GTF2I: variants seen among roughly 807,000 people sequenced by gnomAD.
GTF2I encodes general transcription factor II-I.
In GTF2I, 12 loss-of-function variants were observed where a neutral mutation model predicts 67.6. That is an observed-to-expected ratio of 0.18 (90% CI 0.11 to 0.29). GTF2I has a LOEUF of 0.29. Ranked by LOEUF, GTF2I falls within the 10% of genes least tolerant of loss-of-function variation. The pLI, the probability that GTF2I is intolerant of heterozygous loss-of-function variation, is 1.00. For missense variants in GTF2I, 271 were observed against 580.1 expected, an observed-to-expected ratio of 0.47 and a Z score of 5.47; for synonymous variants, 149 against 197.0, an observed-to-expected ratio of 0.76 and a Z score of 2.04.
At chr7:74,662,350 A>G (rs1455869937) in intron 1 of GTF2I, among the ~76,000 whole-genome samples, 3 of 150,870 alleles carry the variant, frequency 2.0e-5, no homozygotes, top group East Asian at 3.9e-4. Context: ...AGCTGGGATC[A>G]TAGGCATGCG....
intron 9 of GTF2I, 73 bp from the exon 10 acceptor site, chr7:74,714,784 T>A (rs587604617): frequency 1.1e-6 from 1 of 933,364 alleles, no homozygotes; most frequent in East Asian, 2.6e-5. Context: ...TCACCCAAAT[T>A]TGTTGACTAA....
intron 9 of GTF2I, 21 bp downstream of exon 9, chr7:74,711,130 TTTTC>T: frequency 9.3e-7 from 1 of 1,073,254 alleles, no homozygotes; most frequent in Non-Finnish European, 1.4e-6. Flanking sequence ...TTAATGCAAT[TTTTC>T]TTTCTAAAAA....
chr7:74,660,848 A>C (rs1483426932), intron 1 of GTF2I, among the ~76,000 whole-genome samples: 1 of 151,454 alleles, frequency 6.6e-6, no homozygotes, highest in Non-Finnish European at 1.5e-5. Context: ...TCGTAGGGGC[A>C]GGGACAAGAA....
chr7:74,702,975 G>C (rs1790029605), intron 6 of GTF2I, among the ~76,000 whole-genome samples: 1 of 151,970 alleles, frequency 6.6e-6, no homozygotes. Context: ...GAGCTCAAGT[G>C]ATCCGCCTGT....
In GTF2I at chr7:74,698,952, T is replaced by A; in HGVS notation, c.239-9T>A. 1 of 1,260,862 alleles carries A rather than the reference T, an allele frequency of 7.9e-7. No individual in the cohort carries two copies. Among genetic ancestry groups the A allele is most frequent in the South Asian group, 2.1e-5 (1 of 47,354 alleles). The allele number at this position is 1,260,862 out of a possible 1,614,324, so 78.1% of individuals were successfully genotyped here. ...TATTTTTTTATTTTATTTTTTATTT[T>A]TTTTACAGGTGTTGAAGAAGAAGAA... On this transcript the variant is annotated splice_polypyrimidine_tract_variant and intron_variant, in intron 3 of 34. Coordinates refer to ENST00000573035, the MANE Select transcript of GTF2I (RefSeq NM_032999.4).
At chr7:74,669,694 C>T (rs1805293050) in intron 1 of GTF2I, among the ~76,000 whole-genome samples, 1 of 151,868 alleles carries the variant, frequency 6.6e-6, no homozygotes, top group African/African-American at 2.4e-5. Flanking sequence ...CCACCATGCC[C>T]AGCAATTTTT....
At chr7:74,730,173 T>G in intron 13 of GTF2I, 56 bp from the exon 14 acceptor site, 1 of 120,788 alleles carries the variant, frequency 8.3e-6, no homozygotes, top group South Asian at 5.7e-5. Flanking sequence ...AAGACCCTAG[T>G]GCTGCCCCGA....
chr7:74,676,668 C>T (rs1002844478), intron 1 of GTF2I, among the ~76,000 whole-genome samples: 2 of 152,114 alleles, frequency 1.3e-5, no homozygotes, highest in Non-Finnish European at 2.9e-5. Context: ...TGTATACTGA[C>T]ATTTTAGGGA....
intron 8 of GTF2I, among the ~76,000 whole-genome samples, chr7:74,709,613 G>T (rs1248009370): frequency 1.3e-5 from 2 of 151,948 alleles, no homozygotes; most frequent in African/African-American, 4.8e-5. Flanking sequence ...TTCCTGAAGG[G>T]TCTGAATCCC....
chr7:74,719,989 C>T (rs1792734068), intron 12 of GTF2I, among the ~76,000 whole-genome samples: 1 of 152,150 alleles, frequency 6.6e-6, no homozygotes, highest in Non-Finnish European at 1.5e-5. Context: ...GAAAGTACTT[C>T]TTTCTTGTGG....
chr7:74,665,607 C>T (rs1474204366), intron 1 of GTF2I, among the ~76,000 whole-genome samples: 1 of 152,106 alleles, frequency 6.6e-6, no homozygotes, highest in Non-Finnish European at 1.5e-5. Flanking sequence ...AGAGCTGTTG[C>T]AAGGATAGAG....
At chr7:74,667,526 T>C (rs782634147) in intron 1 of GTF2I, among the ~76,000 whole-genome samples, 1 of 152,020 alleles carries the variant, frequency 6.6e-6, no homozygotes, top group Non-Finnish European at 1.5e-5. Context: ...CCTTTTTTTG[T>C]GGGGGGAGGG....
At position 74,689,628 on chromosome 7, in the gene GTF2I, A is replaced by C. The variant is rs587709656; in HGVS notation, c.99+401A>C. ...CTCAGCCGCCCAAAGTGCTGGGATT[A>C]CAGGTGTGAACCACTGCCCCAACCA... On this transcript the variant is annotated intron_variant, in intron 2 of 34. Transcript: ENST00000573035. Among the ~76,000 whole-genome samples, 20 of 152,136 alleles carry C rather than the reference A, an allele frequency of 1.3e-4. No individual in the cohort carries two copies. The South Asian group carries it at 4.1e-3, about 32-fold the overall frequency.
At chr7:74,694,640 C>T (rs79666381) in intron 3 of GTF2I, among the ~76,000 whole-genome samples, 2,754 of 152,170 alleles carry the variant, frequency 0.018, 29 homozygotes, top group South Asian at 0.036. Context: ...GGTAAAGCAG[C>T]AAGTGTTTGA....
intron 1 of GTF2I, among the ~76,000 whole-genome samples, chr7:74,673,872 G>A (rs1453824331): frequency 6.6e-6 from 1 of 151,418 alleles, no homozygotes; most frequent in African/African-American, 2.4e-5. Context: ...GTAGAGACAG[G>A]GTTTCACCGA....
intron 1 of GTF2I, among the ~76,000 whole-genome samples, chr7:74,671,750 G>A (rs140554279): frequency 1.6e-4 from 25 of 152,122 alleles, no homozygotes; most frequent in African/African-American, 5.5e-4. Context: ...GAAAGGCCAC[G>A]GTGGGAGGAC....
chr7:74,699,880 C>T, intron 4 of GTF2I: 1 of 190,330 alleles, frequency 5.3e-6, no homozygotes, highest in Non-Finnish European at 1.1e-5. Flanking sequence ...CAAAACATTC[C>T]TGGTATTTTA....
chr7:74,723,184 C>T (rs374169872), intron 12 of GTF2I, among the ~76,000 whole-genome samples: 3 of 140,718 alleles, frequency 2.1e-5, no homozygotes, highest in Non-Finnish European at 3.0e-5. Context: ...AGTGCAGTGG[C>T]GCAATCTCGG....
chr7:74,703,865 G>A (rs1562962382), intron 6 of GTF2I, among the ~76,000 whole-genome samples: 1 of 152,224 alleles, frequency 6.6e-6, no homozygotes, highest in South Asian at 2.1e-4. Flanking sequence ...CTTTTTGCAC[G>A]TGGATATCCA....
Sources: allele counts gnomAD v4.1 joint callset (sites outside exome capture counted in the v4.1 genomes callset), GRCh38; gene constraint gnomAD v4.1.1; transcripts MANE v1.5; gene names NCBI Gene and HGNC (gene_info 2026-07-23, HGNC 2026-07-21).